The following PGAP2 variants were observed in gnomAD, a reference collection of about 807,000 sequenced individuals.
PGAP2 encodes acyltransferase PGAP2.
In PGAP2, 21 loss-of-function variants were observed where a neutral mutation model predicts 33.2. The observed-to-expected ratio is 0.63, with a 90% CI of 0.45 to 0.91. The LOEUF is 0.91. Among genes scored for constraint, PGAP2 ranks in the 40% least tolerant of loss-of-function variants. PGAP2 has a pLI of 0.00. For synonymous variants in PGAP2, 161 were observed against 172.9 expected (o/e 0.93, Z 0.54); for missense variants, 345 against 424.0 (o/e 0.81, Z 1.64).
chr11:3,821,715 G>A (rs944280270), intron 3 of PGAP2, among the ~76,000 whole-genome samples: 3 of 150,106 alleles, frequency 2.0e-5, no homozygotes, highest in African/African-American at 4.9e-5. Flanking sequence ...CCAAAATTGC[G>A]CCACTGCACT....
rs1000583003 is a variant in PGAP2, at chr11:3,798,184, A to G, written c.139+202A>G. Reference sequence around the variant, plus strand: ...TTCTCTCCTGACCCATGCTCGCCCCAGCACTTTCTTTCCCTCCCTGAATTT... The same window carrying G: ...TTCTCTCCTGACCCATGCTCGCCCCGGCACTTTCTTTCCCTCCCTGAATTT... On this transcript the variant is annotated intron_variant, in intron 1 of 6. Transcript: ENST00000300730. The G allele has an allele frequency of 4.5e-6, 6 of 1,332,802 alleles. No individual in the cohort carries two copies. The South Asian group carries it at 5.3e-5, about 12-fold the overall frequency. 82.6% of individuals were successfully genotyped at this position (1,332,802 alleles called of 1,614,324 possible).
chr11:3,802,320 A>G (rs2083578615), intron 1 of PGAP2, among the ~76,000 whole-genome samples: 1 of 152,228 alleles, frequency 6.6e-6, no homozygotes, highest in Admixed American at 6.5e-5. Flanking sequence ...CATCATTCCC[A>G]GAATTCCTGG....
chr11:3,813,222 T>A (rs183355682), intron 2 of PGAP2, among the ~76,000 whole-genome samples: 59 of 152,304 alleles, frequency 3.9e-4, no homozygotes, highest in African/African-American at 1.3e-3. Flanking sequence ...TGGGTTTTTT[T>A]ATTTGTTTTA....
At chr11:3,822,873 C>T (rs1317404225) in intron 3 of PGAP2, 1 of 1,164,298 alleles carries the variant, frequency 8.6e-7, no homozygotes, top group Admixed American at 2.3e-5. Context: ...ACACCAGTCC[C>T]TGCAGCTGTG....
Position 3,817,025 on chromosome 11 carries a change from T to C in PGAP2, c.166-328T>C, listed in dbSNP as rs538016137. Among the ~76,000 whole-genome samples, 94 of 152,234 alleles carry C rather than the reference T, an allele frequency of 6.2e-4. 3 individuals carry two copies. In the Middle Eastern group the frequency reaches 0.01, roughly 17 times the overall value. The stretch of plus-strand genomic sequence containing the variant: ...CTCTGACCCTTCTCCTGAGTGGCTA[T>C]GAGGGTTGTGAGAGTGAGGTGGGCC... On this transcript the variant is annotated intron_variant, in intron 2 of 6. Coordinates refer to ENST00000278243, the MANE Select transcript of PGAP2 (RefSeq NM_014489.4).
At chr11:3,815,762 A>G (rs187634963) in intron 2 of PGAP2, among the ~76,000 whole-genome samples, 66 of 152,264 alleles carry the variant, frequency 4.3e-4, no homozygotes, top group African/African-American at 1.5e-3. Context: ...CTGAGCTGCT[A>G]TTAGCTGTTT....
upstream of PGAP2, among the ~76,000 whole-genome samples, chr11:3,803,764 G>A (rs897986294): frequency 6.8e-6 from 1 of 147,588 alleles, no homozygotes; most frequent in Non-Finnish European, 1.5e-5. Context: ...TTAGTCTAAT[G>A]CATTTAACGA....
chr11:3,803,847 G>A (rs1342768491), upstream of PGAP2, among the ~76,000 whole-genome samples: 1 of 151,436 alleles, frequency 6.6e-6, no homozygotes, highest in African/African-American at 2.4e-5. Context: ...CTGGAGTGCA[G>A]TGGTGCGATC....
At chr11:3,808,005 G>T (rs1421520807), upstream of PGAP2, 6 of 1,327,602 alleles carry the variant, frequency 4.5e-6, no homozygotes, top group Non-Finnish European at 5.8e-6. Context: ...GTAGGACAGG[G>T]CGCCCTCTCC....
chr11:3,801,261 G>A (rs1183248538), intron 1 of PGAP2, among the ~76,000 whole-genome samples: 1 of 152,158 alleles, frequency 6.6e-6, no homozygotes, highest in East Asian at 1.9e-4. Flanking sequence ...GTCGTAGTGA[G>A]CATTAAAAGA....
At position 3,824,069 on chromosome 11, in the gene PGAP2, G is replaced by C. The variant is rs201471637; in HGVS notation, c.535G>C (p.Gly179Arg). ...TCGCCCGCTCTGCCGCCTCAACTTC[G>C]GCCTCAATGTCGTGGAGAACCTCGC... Reference protein sequence around the residue: ...CYRPLCRLNFGLNVVENLALL... With the variant: ...CYRPLCRLNFRLNVVENLALL... Residue 179 changes from glycine to arginine, a missense_variant, in exon 4 of 7, where the codon GGC (glycine) becomes CGC (arginine). Coordinates refer to ENST00000278243, the MANE Select transcript of PGAP2 (RefSeq NM_014489.4). The C allele has an allele frequency of 3.7e-6, 6 of 1,614,018 alleles. No homozygotes were observed. In the Admixed American group the frequency reaches 1.0e-4, roughly 27 times the overall value.
intron 3 of PGAP2, among the ~76,000 whole-genome samples, chr11:3,820,589 G>T (rs1442741037): frequency 4.6e-5 from 7 of 152,098 alleles, no homozygotes; most frequent in African/African-American, 1.7e-4. Context: ...GAACCTGGGA[G>T]GTGGAGTTTG....
chr11:3,819,512 G>C (rs2087991029), intron 3 of PGAP2, among the ~76,000 whole-genome samples: 1 of 152,036 alleles, frequency 6.6e-6, no homozygotes, highest in East Asian at 1.9e-4. Context: ...GGTAGCTAGA[G>C]AAGGCATCTA....
chr11:3,812,020 G>A (rs1270518225), intron 2 of PGAP2, among the ~76,000 whole-genome samples: 1 of 152,050 alleles, frequency 6.6e-6, no homozygotes, highest in African/African-American at 2.4e-5. Context: ...TCTGTATGGA[G>A]ATCTGATTAT....
rs749120967 is a variant in PGAP2 at position 3,797,996 on chromosome 11, C to G, written c.139+14C>G. The stretch of plus-strand genomic sequence containing the variant: ...CAGAATGGCATGGTAACTATTCGAC[C>G]CTTTCCTTGCCCCGGTCCGCCGGCG... On this transcript the variant is annotated intron_variant, in intron 1 of 6. Transcript: ENST00000300730. The G allele has an allele frequency of 4.5e-6, 7 of 1,538,934 alleles. No individual in the cohort carries two copies. The South Asian group carries it at 8.4e-5, about 18-fold the overall frequency.
In PGAP2 at chr11:3,823,891, T is replaced by C. The variant is rs1039312391; in HGVS notation, c.357T>C (p.Asn119=). ...AGGTCACAACTCTCTAGGTGCCCAA[T>C]TACCTGCCCTCGGTGAGCTCAGCCA... ...YTVATDCGVP[N]YLPSVSSAIG... Residue 119 remains asparagine, a synonymous_variant, in exon 4 of 7, where the codon AAT becomes AAC. Transcript: ENST00000278243. The C allele has an allele frequency of 2.5e-6, 4 of 1,603,134 alleles. No homozygotes were observed. Among genetic ancestry groups the C allele is most frequent in the Non-Finnish European group, 2.5e-6 (3 of 1,179,868 alleles).
At chr11:3,799,871 G>A (rs1564964705) in intron 1 of PGAP2, among the ~76,000 whole-genome samples, 1 of 152,174 alleles carries the variant, frequency 6.6e-6, no homozygotes, top group Admixed American at 6.6e-5. Context: ...GGAGGCTGAA[G>A]TAGGAGGATC....
intron 1 of PGAP2, among the ~76,000 whole-genome samples, chr11:3,809,620 C>T (rs941088462): frequency 2.6e-5 from 4 of 152,202 alleles, no homozygotes; most frequent in African/African-American, 9.7e-5. Context: ...ACTAGTGCTA[C>T]TGCAACTGCA....
intron 1 of PGAP2, among the ~76,000 whole-genome samples, chr11:3,809,859 G>A (rs909898423): frequency 2.0e-5 from 3 of 152,224 alleles, no homozygotes; most frequent in Admixed American, 6.5e-5. Flanking sequence ...GGGTGAGAAT[G>A]TGGAGGCGTA....
Sources: gnomAD v4.1 joint callset for allele counts (sites outside exome capture counted in the v4.1 genomes callset) on GRCh38, gnomAD v4.1.1 for gene constraint, MANE v1.5 for transcripts, NCBI Gene and HGNC (gene_info 2026-07-23, HGNC 2026-07-21) for gene names.